WWOX: variants seen among roughly 807,000 people sequenced by gnomAD.
The protein encoded by WWOX is WW domain containing oxidoreductase, also known as WW domain-containing oxidoreductase.
A neutral mutation model predicts 46.2 loss-of-function variants in WWOX; 69 were observed. The ratio of observed to expected loss-of-function variants is 1.49; its 90% CI spans 1.23 to 1.82. The LOEUF is 1.82. Among genes scored for constraint, WWOX ranks in the 40% most tolerant of loss-of-function variants. The probability of loss-of-function intolerance (pLI) is 0.00; values close to 1 mark genes in which losing one functional copy is unlikely to be tolerated. For synonymous variants in WWOX, 359 were observed against 202.6 expected (o/e 1.77, Z -6.56); for missense variants, 919 against 542.6 (o/e 1.69, Z -6.89).
intron 8 of WWOX, among the ~76,000 whole-genome samples, chr16:78,986,492 A>T (rs1006012627): frequency 4.6e-5 from 7 of 152,288 alleles, no homozygotes; most frequent in African/African-American, 1.7e-4. Context: ...TTTGGATTTT[A>T]GTGGATTTTC....
intron 8 of WWOX, among the ~76,000 whole-genome samples, chr16:79,049,910 T>C (rs111798001): frequency 2.7e-4 from 41 of 150,092 alleles, no homozygotes; most frequent in Non-Finnish European, 1.3e-4. Flanking sequence ...CAGAAGGACA[T>C]GGAGTGGTAA....
chr16:78,933,734 A>G (rs574735468), intron 8 of WWOX, among the ~76,000 whole-genome samples: 65 of 151,784 alleles, frequency 4.3e-4, no homozygotes, highest in Admixed American at 1.0e-3. Context: ...AAACTATCTG[A>G]TCTCGTGAGA....
At chr16:78,389,814 A>G (rs988872120) in intron 6 of WWOX, among the ~76,000 whole-genome samples, 2 of 152,108 alleles carry the variant, frequency 1.3e-5, no homozygotes, top group Non-Finnish European at 2.9e-5. Context: ...GCAGTGGTGC[A>G]ATCTCTGTTC....
chr16:78,940,350 G>A (rs2045827208), intron 8 of WWOX, among the ~76,000 whole-genome samples: 1 of 152,192 alleles, frequency 6.6e-6, no homozygotes, highest in South Asian at 2.1e-4. Flanking sequence ...AAATAAATAT[G>A]CAAAACAGTG....
intron 8 of WWOX, among the ~76,000 whole-genome samples, chr16:78,687,628 C>T (rs1417387438): frequency 6.6e-6 from 1 of 152,174 alleles, no homozygotes; most frequent in Non-Finnish European, 1.5e-5. Flanking sequence ...TAATGGTTAT[C>T]TATAGCTCAG....
At chr16:78,518,266 C>G (rs541603870) in intron 8 of WWOX, among the ~76,000 whole-genome samples, 11 of 152,106 alleles carry the variant, frequency 7.2e-5, no homozygotes, top group African/African-American at 2.2e-4. Flanking sequence ...GAGTCTTGCT[C>G]TGTCACCCAG....
chr16:79,147,554 A>G (rs2050204015), intron 8 of WWOX, among the ~76,000 whole-genome samples: 3 of 152,208 alleles, frequency 2.0e-5, no homozygotes, highest in South Asian at 2.1e-4. Flanking sequence ...TATTATAAAC[A>G]TTTGTACACA....
intron 8 of WWOX, among the ~76,000 whole-genome samples, chr16:78,673,439 G>C (rs79408723): frequency 0.013 from 1,939 of 152,242 alleles, 30 homozygotes; most frequent in Non-Finnish European, 0.015. Flanking sequence ...TTGATCATCG[G>C]TAATGACACC....
rs189318413 is a variant in WWOX at position 78,311,294 on chromosome 16, A to G, written c.517-75566A>G. Among the ~76,000 whole-genome samples the G allele has an allele frequency of 3.3e-3, 505 of 152,344 alleles. 1 individual carries two copies. Among genetic ancestry groups the G allele is most frequent in the African/African-American group, 0.012 (479 of 41,588 alleles). On this transcript the variant is annotated intron_variant, in intron 5 of 8. Transcript: ENST00000566780. ...TTTGGTAATCCAAGGCCTGATGTAT[A>G]TAAACAAATTCCTTTCTTGATCATC...
At chr16:78,894,020 T>TTGATTATTATTATTA (rs1555561422) in intron 8 of WWOX, among the ~76,000 whole-genome samples, 2 of 140,080 alleles carry the variant, frequency 1.4e-5, no homozygotes, top group Non-Finnish European at 3.1e-5. Flanking sequence ...TATTGAGGCT[T>TTGATTATTATTATTA]TTATTATTAT....
chr16:79,056,309 A>G (rs2048261492), intron 8 of WWOX, among the ~76,000 whole-genome samples: 2 of 152,176 alleles, frequency 1.3e-5, no homozygotes, highest in Middle Eastern at 3.2e-3. Flanking sequence ...CCCTGAAGAA[A>G]AGTGAATTCT....
Position 78,392,319 on chromosome 16 carries a change from A to G in WWOX, c.605+5371A>G, listed in dbSNP as rs1456567121. 3.9e-5 allele frequency among the ~76,000 whole-genome samples: 6 copies of G among 152,170 alleles called. No individual in the cohort carries two copies. In the East Asian group the frequency reaches 1.2e-3, roughly 29 times the overall value. ...TCTAGGCTGCATGCTCCTTACGAAA[A>G]TCTAATGCCTGATGATCTGTCACTG... On this transcript the variant is annotated intron_variant, in intron 6 of 8. Coordinates refer to ENST00000566780, the MANE Select transcript of WWOX (RefSeq NM_016373.4).
At chr16:78,811,521 C>T (rs1046737509) in intron 8 of WWOX, among the ~76,000 whole-genome samples, 1 of 149,462 alleles carries the variant, frequency 6.7e-6, no homozygotes, top group African/African-American at 2.5e-5. Context: ...TTTCCTTTTT[C>T]TCTCTCTCTT....
At chr16:78,899,779 G>A (rs1316455753) in intron 8 of WWOX, 1 of 152,194 alleles carries the variant, frequency 6.6e-6, no homozygotes, top group Non-Finnish European at 1.5e-5. Context: ...GCAGCATTAA[G>A]ACGAAAATCT....
At chr16:78,805,070 C>G (rs989821697) in intron 8 of WWOX, among the ~76,000 whole-genome samples, 1 of 152,198 alleles carries the variant, frequency 6.6e-6, no homozygotes, top group Non-Finnish European at 1.5e-5. Flanking sequence ...AATAAAAGTA[C>G]TTTTCTGCAT....
At chr16:78,648,710 G>A (rs888888223) in intron 8 of WWOX, among the ~76,000 whole-genome samples, 1 of 152,144 alleles carries the variant, frequency 6.6e-6, no homozygotes, top group Non-Finnish European at 1.5e-5. Context: ...GCCTCCAATC[G>A]GAGCATACTG....
intron 8 of WWOX, among the ~76,000 whole-genome samples, chr16:78,859,063 T>TATTC (rs2052654275): frequency 1.1e-5 from 1 of 89,118 alleles, no homozygotes; most frequent in East Asian, 2.7e-4. Context: ...TATATATATA[T>TATTC]ATATATATAT....
intron 4 of WWOX, among the ~76,000 whole-genome samples, chr16:78,140,768 T>C (rs1369191089): frequency 1.3e-5 from 2 of 152,202 alleles, no homozygotes; most frequent in African/African-American, 4.8e-5. Context: ...TGTTTCCAAG[T>C]AAGGTGACAT....
chr16:78,767,040 C>A (rs2049939206), intron 8 of WWOX, among the ~76,000 whole-genome samples: 2 of 151,878 alleles, frequency 1.3e-5, no homozygotes, highest in Admixed American at 6.6e-5. Flanking sequence ...ATCAAAATTT[C>A]TTTCTTTCTT....
Sources: gnomAD v4.1 joint callset for allele counts (sites outside exome capture counted in the v4.1 genomes callset) on GRCh38, gnomAD v4.1.1 for gene constraint, MANE v1.5 for transcripts, NCBI Gene and HGNC (gene_info 2026-07-23, HGNC 2026-07-21) for gene names.